Variants in COL5A2 observed in about 807,000 individuals in gnomAD.
COL5A2 encodes collagen alpha-2(V) chain.
Under a neutral mutation model 208.2 loss-of-function variants are expected in COL5A2, and 23 were observed. The observed-to-expected ratio is 0.11, with a 90% CI of 0.08 to 0.16. The LOEUF (loss-of-function observed/expected upper bound fraction) is 0.16. COL5A2 is among the 10% of genes least tolerant of loss of function. The pLI is 1.00. For synonymous variants in COL5A2, 625 were observed against 628.5 expected, an observed-to-expected ratio of 0.99 and a Z score of 0.08; for missense variants, 1,590 against 1,956.4, an observed-to-expected ratio of 0.81 and a Z score of 3.53.
chr2:189,265,465 G>A, the COL5A2 span, among the ~76,000 whole-genome samples: 2 of 152,044 alleles, frequency 1.3e-5, no homozygotes, highest in Non-Finnish European at 2.9e-5. Flanking sequence ...TTCTCCATGT[G>A]TGTTCTGTAT....
chr2:189,421,367 T>C, the COL5A2 span, among the ~76,000 whole-genome samples: 2 of 152,206 alleles, frequency 1.3e-5, no homozygotes, highest in Admixed American at 1.3e-4. Context: ...GAAATTACCT[T>C]CTCAAGTGCT....
At chr2:189,241,181 C>A in the COL5A2 span, among the ~76,000 whole-genome samples, 15 of 152,276 alleles carry the variant, frequency 9.9e-5, no homozygotes, top group East Asian at 2.9e-3. Flanking sequence ...AACAACACAG[C>A]ACTTGTAGAC....
At chr2:189,261,987 A>G in the COL5A2 span, among the ~76,000 whole-genome samples, 2 of 152,196 alleles carry the variant, frequency 1.3e-5, no homozygotes, top group Non-Finnish European at 2.9e-5. Context: ...AATCTTGATG[A>G]AAATATAAAT....
the COL5A2 span, among the ~76,000 whole-genome samples, chr2:189,292,360 T>C: frequency 6.6e-6 from 1 of 152,168 alleles, no homozygotes; most frequent in African/African-American, 2.4e-5. Flanking sequence ...ACCTTGACAT[T>C]GGCCATTCTG....
the COL5A2 span, among the ~76,000 whole-genome samples, chr2:189,258,053 G>T: frequency 1.3e-5 from 2 of 152,172 alleles, no homozygotes; most frequent in East Asian, 3.9e-4. Context: ...GGCAGAGCTT[G>T]CAGTGAGCCG....
At chr2:189,359,020 G>C in the COL5A2 span, among the ~76,000 whole-genome samples, 8 of 152,030 alleles carry the variant, frequency 5.3e-5, no homozygotes. Context: ...TGTGCAAACA[G>C]GGACTATTTA....
At position 189,165,588 on chromosome 2, in the gene COL5A2, T is replaced by C. The variant is rs111632836; in HGVS notation, c.97+13920A>G. Among the ~76,000 whole-genome samples, 37 of 152,350 alleles carry C rather than the reference T, an allele frequency of 2.4e-4. 1 individual carries two copies. Among genetic ancestry groups the C allele is most frequent in the African/African-American group, 8.7e-4 (36 of 41,582 alleles). Reference sequence around the variant, plus strand: ...ATTTCTTCAGTGCCCATTAAGGCCATGCATTTTAATTTAACTCCTCAATAT... The same window carrying C: ...ATTTCTTCAGTGCCCATTAAGGCCACGCATTTTAATTTAACTCCTCAATAT... On this transcript the variant is annotated intron_variant, in intron 1 of 53. Transcript: ENST00000374866.
At chr2:189,038,123 C>G (rs374957695) in intron 51 of COL5A2, among the ~76,000 whole-genome samples, 1 of 150,134 alleles carries the variant, frequency 6.7e-6, no homozygotes, top group Non-Finnish European at 1.5e-5. Context: ...GGGTACAGAT[C>G]CTGTCACCCA....
chr2:189,108,297 C>T (rs1191999210), intron 2 of COL5A2, among the ~76,000 whole-genome samples: 1 of 151,592 alleles, frequency 6.6e-6, no homozygotes, highest in African/African-American at 2.4e-5. Flanking sequence ...TGGTAGTTTC[C>T]CTGAGAAATT....
At chr2:189,258,929 A>G in the COL5A2 span, among the ~76,000 whole-genome samples, 1 of 152,198 alleles carries the variant, frequency 6.6e-6, no homozygotes, top group Non-Finnish European at 1.5e-5. Context: ...AGCCAGGGCA[A>G]ATTACCTGCC....
At chr2:189,191,170 C>CAAAAAAAAACCAAAAAA (rs1288537416) in intron 1 of COL5A2, among the ~76,000 whole-genome samples, 1 of 134,956 alleles carries the variant, frequency 7.4e-6, no homozygotes, top group Non-Finnish European at 1.6e-5. Context: ...AAACAAACAA[C>CAAAAAAAAACCAAAAAA]AAAAAACAAC....
chr2:189,157,127 T>G (rs1688263780), intron 1 of COL5A2, among the ~76,000 whole-genome samples: 2 of 14,730 alleles, frequency 1.4e-4, no homozygotes, highest in Non-Finnish European at 1.8e-3. Flanking sequence ...GATATATCTA[T>G]CTATATATAT....
chr2:189,217,083 A>T (rs1275082474), intron 1 of COL5A2, among the ~76,000 whole-genome samples: 1 of 152,166 alleles, frequency 6.6e-6, no homozygotes, highest in African/African-American at 2.4e-5. Flanking sequence ...AAAAAAAATT[A>T]ACACTCTGTT....
chr2:189,217,998 AT>A (rs1689300051), intron 1 of COL5A2, among the ~76,000 whole-genome samples: 1 of 152,186 alleles, frequency 6.6e-6, no homozygotes, highest in African/African-American at 2.4e-5. Context: ...CCATGTGGTC[AT>A]GTGCAGAAGT....
intron 18 of COL5A2, among the ~76,000 whole-genome samples, chr2:189,070,079 A>G (rs902531640): frequency 6.6e-6 from 1 of 152,194 alleles, no homozygotes; most frequent in African/African-American, 2.4e-5. Context: ...GCAAATAAAA[A>G]TGCCTAGTTG....
chr2:189,271,334 A>T, the COL5A2 span, among the ~76,000 whole-genome samples: 1 of 152,146 alleles, frequency 6.6e-6, no homozygotes, highest in South Asian at 2.1e-4. Context: ...AACAGAACAG[A>T]GACCTCAGAA....
chr2:189,040,811 T>C (rs553053759), intron 50 of COL5A2, among the ~76,000 whole-genome samples: 3 of 152,204 alleles, frequency 2.0e-5, no homozygotes, highest in Non-Finnish European at 4.4e-5. Context: ...GGTATTCCAA[T>C]TTTCTAGCTG....
chr2:189,238,320 G>C, the COL5A2 span, among the ~76,000 whole-genome samples: 1 of 152,036 alleles, frequency 6.6e-6, no homozygotes, highest in East Asian at 1.9e-4. Flanking sequence ...CCAGGAACTA[G>C]ACCTCCATTT....
chr2:189,092,213 T>G (rs1686803207), intron 7 of COL5A2, 97 bp downstream of exon 7: 1 of 799,322 alleles, frequency 1.3e-6, no homozygotes, highest in Non-Finnish European at 2.2e-6. Flanking sequence ...TACAGTCAAG[T>G]GTCAATATCT....
Sources: allele counts gnomAD v4.1 joint callset (sites outside exome capture counted in the v4.1 genomes callset), GRCh38; gene constraint gnomAD v4.1.1; transcripts MANE v1.5; gene names NCBI Gene and HGNC (gene_info 2026-07-23, HGNC 2026-07-21).